STMN1: variants seen among roughly 807,000 people sequenced by gnomAD.
STMN1 encodes stathmin 1, also known as stathmin.
In STMN1, 3 loss-of-function variants were observed where a neutral mutation model predicts 19.7. The ratio of observed to expected loss-of-function variants is 0.15; its 90% CI spans 0.07 to 0.39. STMN1 has a LOEUF of 0.39. Ranked by LOEUF, STMN1 falls within the 10% of genes least tolerant of loss-of-function variation. The probability of loss-of-function intolerance (pLI) is 1.00; values close to 1 mark genes in which losing one functional copy is unlikely to be tolerated. For missense variants in STMN1, 99 were observed against 176.0 expected, an observed-to-expected ratio of 0.56 and a Z score of 2.48; for synonymous variants, 59 against 58.9, an observed-to-expected ratio of 1.00 and a Z score of -0.01.
chr1:25,905,450 G>A (rs2048927841), intron 1 of STMN1: 2 of 152,258 alleles, frequency 1.3e-5, no homozygotes, highest in South Asian at 4.1e-4. Context: ...AAGAAAAGCA[G>A]AGAATTAGAC....
At chr1:25,885,511 C>T in exon 5 of STMN1, 2 of 572,734 alleles carry the variant, frequency 3.5e-6, no homozygotes, top group South Asian at 3.3e-5. Flanking sequence ...TACAACAAAC[C>T]ACAAGGCAGG....
chr1:25,895,521 G>C (rs1271424129), downstream of STMN1, among the ~76,000 whole-genome samples: 1 of 152,180 alleles, frequency 6.6e-6, no homozygotes, highest in Non-Finnish European at 1.5e-5. Context: ...CGGATCCAGC[G>C]AAAGACAGAA....
At chr1:25,890,333 C>T (rs753429755) in intron 4 of STMN1, among the ~76,000 whole-genome samples, 10 of 152,150 alleles carry the variant, frequency 6.6e-5, no homozygotes, top group Non-Finnish European at 1.2e-4. Flanking sequence ...GGAGAAACTA[C>T]AGGGAAAAGG....
At chr1:25,899,928 T>C (rs562053423), downstream of STMN1, among the ~76,000 whole-genome samples, 1 of 152,260 alleles carries the variant, frequency 6.6e-6, no homozygotes, top group South Asian at 2.1e-4. Context: ...AAAATATGTA[T>C]AATTAGGCTA....
intron 2 of STMN1, among the ~76,000 whole-genome samples, chr1:25,904,326 CAAAA>C (rs749883838): frequency 1.3e-5 from 2 of 151,230 alleles, no homozygotes; most frequent in Non-Finnish European, 2.9e-5. Flanking sequence ...GACCCTGTCT[CAAAA>C]AAAATAAAAA....
chr1:25,903,826 A>G lies in STMN1; in HGVS notation c.14-13T>C. ...TTCACCTGGATATCTAGAATTGATT[A>G]TATTTATAATTCAGAAAACCAGGAT... On this transcript the variant is annotated splice_polypyrimidine_tract_variant and intron_variant, in intron 2 of 4. Coordinates refer to ENST00000455785, the MANE Select transcript of STMN1 (RefSeq NM_005563.4). 1.3e-6 allele frequency: 2 copies of G among 1,580,404 alleles called. No individual in the cohort carries two copies. The highest frequency in any genetic ancestry group is 8.6e-7 in the Non-Finnish European group (1 of 1,168,700).
chr1:25,892,940 C>T (rs984409612), intron 4 of STMN1, among the ~76,000 whole-genome samples: 1 of 152,204 alleles, frequency 6.6e-6, no homozygotes, highest in Admixed American at 6.5e-5. Context: ...TAGGCCAGCG[C>T]TTCTCAAGCT....
rs974516199 is a variant in STMN1, at chr1:25,900,255, A to G, written c.*761T>C. ...AGTAGAATCTTGAGATTCTCTCTCAACTGTTCTCTAGAAACACGCTTGTGC... is the reference window on the plus strand; with the variant it reads ...AGTAGAATCTTGAGATTCTCTCTCAGCTGTTCTCTAGAAACACGCTTGTGC... On this transcript the variant is annotated 3_prime_UTR_variant, in exon 5 of 5. Coordinates refer to ENST00000455785, the MANE Select transcript of STMN1 (RefSeq NM_005563.4). The G allele has an allele frequency of 1.0e-6, 1 of 985,734 alleles. No individual in the cohort carries two copies. The highest frequency in any genetic ancestry group is 1.2e-6 in the Non-Finnish European group (1 of 829,942). The allele number at this position is 985,734 out of a possible 1,614,324, so 61.1% of individuals were successfully genotyped here.
downstream of STMN1, among the ~76,000 whole-genome samples, chr1:25,896,711 G>A (rs749729246): frequency 2.6e-5 from 4 of 152,168 alleles, no homozygotes; most frequent in Non-Finnish European, 4.4e-5. Flanking sequence ...GTGCATGTAC[G>A]AAACAAGTCA....
intron 4 of STMN1, 37 bp downstream of exon 4, chr1:25,901,454 C>G: frequency 6.4e-7 from 1 of 1,568,640 alleles, no homozygotes; most frequent in Non-Finnish European, 8.6e-7. Context: ...GTGCATCAAA[C>G]TCCAAGCTCA....
chr1:25,885,882 GAAAA>G, intron 4 of STMN1: 1 of 1,539,164 alleles, frequency 6.5e-7, no homozygotes, highest in African/African-American at 1.4e-5. Flanking sequence ...GGAAGAAAAA[GAAAA>G]ATCACCAGGT....
At position 25,900,323 on chromosome 1, in the gene STMN1, T is replaced by A. The variant is rs1291907874; in HGVS notation, c.*693A>T. On this transcript the variant is annotated 3_prime_UTR_variant, in exon 5 of 5. Coordinates refer to ENST00000455785, the MANE Select transcript of STMN1 (RefSeq NM_005563.4). ...AAAGGGACACAGAACAAAAAATGGTTGTTTGCAAATAAACATCTGAAAGAA... is the reference window on the plus strand; with the variant it reads ...AAAGGGACACAGAACAAAAAATGGTAGTTTGCAAATAAACATCTGAAAGAA... The A allele has an allele frequency of 1.0e-6, 1 of 985,764 alleles. No individual in the cohort carries two copies. The highest frequency in any genetic ancestry group is 1.7e-5 in the African/African-American group (1 of 57,234). 61.1% of individuals were successfully genotyped at this position (985,764 alleles called of 1,614,324 possible).
chr1:25,904,558 G>T, intron 2 of STMN1, 106 bp downstream of exon 2: 1 of 974,884 alleles, frequency 1.0e-6, no homozygotes, highest in South Asian at 1.4e-5. Context: ...AATAGGTTTT[G>T]GTAAGACCAA....
At chr1:25,895,463 GTC>G (rs1260337750), downstream of STMN1, among the ~76,000 whole-genome samples, 1 of 152,184 alleles carries the variant, frequency 6.6e-6, no homozygotes, top group South Asian at 2.1e-4. Flanking sequence ...GGAGTTACTA[GTC>G]TCTGTGTCAG....
In STMN1 at chr1:25,900,193, C is replaced by T. The variant is rs1452615673; in HGVS notation, c.*823G>A. ...CTTTTATGGCAGGAAAGGATGAGGA[C>T]ATGCCCCACCTGTAACGTAGAGCAA... On this transcript the variant is annotated 3_prime_UTR_variant, in exon 5 of 5. Coordinates refer to ENST00000455785, the MANE Select transcript of STMN1 (RefSeq NM_005563.4). 6.2e-5 allele frequency: 61 copies of T among 985,776 alleles called. No homozygotes were observed. Among genetic ancestry groups the T allele is most frequent in the Middle Eastern group, 5.2e-4 (1 of 1,936 alleles). 61.1% of individuals were successfully genotyped at this position (985,776 alleles called of 1,614,324 possible). A position where few individuals can be genotyped will look rare whatever the true frequency, so the allele number is the denominator to read the frequency against.
At chr1:25,897,418 A>C (rs1370889851), downstream of STMN1, among the ~76,000 whole-genome samples, 1 of 152,214 alleles carries the variant, frequency 6.6e-6, no homozygotes, top group Non-Finnish European at 1.5e-5. Context: ...TAAGGTAGCC[A>C]AACTGTCATC....
exon 5 of STMN1, chr1:25,885,464 G>A (rs1463740481): frequency 3.7e-5 from 12 of 326,586 alleles, no homozygotes; most frequent in Non-Finnish European, 6.6e-5. Flanking sequence ...ACTGGTCTGT[G>A]AGCTGCTGGG....
Position 25,885,644 on chromosome 1 carries a change from C to T in STMN1, c.*79G>A, listed in dbSNP as rs990574137. ...CCCCAAAGGCTTTTTCTATCTTCCA[C>T]ATCAAGGATCCTCTTGGCCAGACTG... is the stretch of plus-strand genomic sequence containing the variant. On this transcript the variant is annotated 3_prime_UTR_variant, in exon 5 of 5. Coordinates refer to the STMN1 transcript ENST00000426559. 7.7e-6 allele frequency: 11 copies of T among 1,431,352 alleles called. No individual in the cohort carries two copies. In the Admixed American group the frequency reaches 8.6e-5, roughly 11 times the overall value. 88.7% of individuals were successfully genotyped at this position (1,431,352 alleles called of 1,614,324 possible).
At chr1:25,889,052 T>C (rs1046023512) in intron 4 of STMN1, 9 of 488,576 alleles carry the variant, frequency 1.8e-5, no homozygotes, top group African/African-American at 1.8e-4. Context: ...AAACTGGCAA[T>C]AAAATCAGGT....
Sources: gnomAD v4.1 joint callset for allele counts (sites outside exome capture counted in the v4.1 genomes callset) on GRCh38, gnomAD v4.1.1 for gene constraint, MANE v1.5 for transcripts, NCBI Gene and HGNC (gene_info 2026-07-23, HGNC 2026-07-21) for gene names.